Variants in CAPRIN2 observed in about 807,000 individuals in gnomAD.
The protein encoded by CAPRIN2 is caprin-2.
A neutral mutation model predicts 130.4 loss-of-function variants in CAPRIN2; 66 were observed. The ratio of observed to expected loss-of-function variants is 0.51; its 90% CI spans 0.42 to 0.62. The LOEUF (loss-of-function observed/expected upper bound fraction) is 0.62. Ranked by LOEUF, CAPRIN2 falls within the 20% of genes least tolerant of loss-of-function variation. CAPRIN2 has a pLI of 0.00. For missense variants in CAPRIN2, 1,185 were observed against 1,246.6 expected (o/e 0.95, Z 0.74); for synonymous variants, 471 against 444.1 (o/e 1.06, Z -0.76).
chr12:30,731,042 A>G (rs957234884), intron 6 of CAPRIN2, among the ~76,000 whole-genome samples: 5 of 152,218 alleles, frequency 3.3e-5, no homozygotes, highest in Non-Finnish European at 5.9e-5. Context: ...TTTTAAACAG[A>G]ATTATCCTAC....
At chr12:30,711,444 T>C (rs1370216326) in intron 16 of CAPRIN2, 122 bp downstream of exon 18, 11 of 774,754 alleles carry the variant, frequency 1.4e-5, no homozygotes, top group South Asian at 4.9e-5. Flanking sequence ...TTCAAGCAAA[T>C]TGAAAACCTC....
At chr12:30,728,789 G>C in exon 8 of CAPRIN2, 1 of 1,614,038 alleles carries the variant, frequency 6.2e-7, no homozygotes, top group Non-Finnish European at 8.5e-7. Flanking sequence ...TGTTTTCCCA[G>C]GATTTTGGAG....
intron 15 of CAPRIN2, among the ~76,000 whole-genome samples, chr12:30,712,812 G>C (rs1310635561): frequency 7.5e-6 from 1 of 132,778 alleles, no homozygotes; most frequent in African/African-American, 2.8e-5. Context: ...CGCTATCTCT[G>C]CTCACTGCAA....
chr12:30,744,247 C>T (rs2068818142), intron 2 of CAPRIN2, among the ~76,000 whole-genome samples: 1 of 152,214 alleles, frequency 6.6e-6, no homozygotes, highest in Non-Finnish European at 1.5e-5. Flanking sequence ...CTACAGGCAA[C>T]TCTTTTCTAA....
chr12:30,722,352 G>A (rs1246314091), intron 11 of CAPRIN2, among the ~76,000 whole-genome samples: 2 of 152,134 alleles, frequency 1.3e-5, no homozygotes, highest in African/African-American at 4.8e-5. Context: ...TGCTCCAACA[G>A]GTCTAAGATC....
intron 2 of CAPRIN2, among the ~76,000 whole-genome samples, chr12:30,747,187 T>G (rs1001243745): frequency 6.6e-6 from 1 of 152,176 alleles, no homozygotes; most frequent in Admixed American, 6.5e-5. Flanking sequence ...TACTGAATAT[T>G]TTAAGCCCAC....
chr12:30,723,321 G>A lies in CAPRIN2; in HGVS notation c.1988-7C>T. On this transcript the variant is annotated splice_polypyrimidine_tract_variant and splice_region_variant and intron_variant, in intron 10 of 16. Coordinates refer to ENST00000298892, the Ensembl canonical transcript of CAPRIN2. ...AGATTTTGTTCTTTAGATGCTGCAA[G>A]GAGTAAAATAAACAGTAACTACTGA... 1.2e-6 allele frequency: 2 copies of A among 1,606,006 alleles called. No homozygotes were observed. Among genetic ancestry groups the A allele is most frequent in the South Asian group, 1.1e-5 (1 of 90,846 alleles).
chr12:30,752,150 G>C (rs1042732216), intron 1 of CAPRIN2, among the ~76,000 whole-genome samples: 3 of 151,808 alleles, frequency 2.0e-5, no homozygotes, highest in African/African-American at 7.3e-5. Context: ...TCAAACTCCT[G>C]ACCTCAGGTG....
intron 15 of CAPRIN2, among the ~76,000 whole-genome samples, chr12:30,713,316 A>G (rs2055972271): frequency 6.8e-6 from 1 of 147,816 alleles, no homozygotes; most frequent in South Asian, 2.2e-4. Context: ...TCTTCAAGTA[A>G]GTATAAACAA....
chr12:30,721,983 A>G (rs1443521055), intron 11 of CAPRIN2, among the ~76,000 whole-genome samples: 1 of 152,228 alleles, frequency 6.6e-6, no homozygotes, highest in African/African-American at 2.4e-5. Context: ...CTCTGTCATT[A>G]AAGTAATGAG....
Position 30,710,166 on chromosome 12 carries a change from T to G in CAPRIN2, c.2970A>C (p.Pro990=), listed in dbSNP as rs1272219121. Residue 990 remains proline, a synonymous_variant, in exon 17 of 17, where the codon CCA becomes CCC. Coordinates refer to ENST00000298892, the Ensembl canonical transcript of CAPRIN2. The surrounding 1 kb of genome is among the most constrained non-coding windows in gnomAD (Gnocchi z 4.8). ...AAATGAAAACGTAAGTGCCATTCAC[T>G]GGGCAATTAAATCTACCAAGCTGAA... The G allele has an allele frequency of 1.2e-6, 2 of 1,614,030 alleles. No homozygotes were observed. Among genetic ancestry groups the G allele is most frequent in the Non-Finnish European group, 1.7e-6 (2 of 1,180,048 alleles).
In CAPRIN2 at chr12:30,728,516, C is replaced by G. The variant is rs1043643997; in HGVS notation, c.1782+132G>C. 3 of 711,088 alleles carry G rather than the reference C, an allele frequency of 4.2e-6. No homozygotes were observed. In the African/African-American group the frequency reaches 5.5e-5, roughly 13 times the overall value. 44.0% of individuals were successfully genotyped at this position (711,088 alleles called of 1,614,324 possible). A position where few individuals can be genotyped will look rare whatever the true frequency, so the allele number is the denominator to read the frequency against. On this transcript the variant is annotated intron_variant, in intron 8 of 16. Transcript: ENST00000298892. ...GTTACAGTGAGCAGAGATAGTGCCA[C>G]TGCACTCCAGCCTGGGTAACAGAGT... is the stretch of plus-strand genomic sequence containing the variant.
intron 3 of CAPRIN2, among the ~76,000 whole-genome samples, chr12:30,735,772 C>T (rs1292921320): frequency 1.3e-5 from 2 of 152,096 alleles, no homozygotes; most frequent in African/African-American, 4.8e-5. Context: ...TAATAATTTG[C>T]CCTGTCAGTC....
chr12:30,728,661 G>A (rs765250126), exon 8 of CAPRIN2: 2 of 1,607,138 alleles, frequency 1.2e-6, no homozygotes, highest in Non-Finnish European at 1.7e-6. Flanking sequence ...TTTGGGTTCT[G>A]TGTTCAACTT....
chr12:30,713,898 C>A lies in CAPRIN2; in HGVS notation c.2501-13G>T. 7.1e-7 allele frequency: 1 copy of A among 1,409,206 alleles called. No individual in the cohort carries two copies. Among genetic ancestry groups the A allele is most frequent in the Non-Finnish European group, 1.0e-6 (1 of 997,072 alleles). The allele number at this position is 1,409,206 out of a possible 1,614,324, so 87.3% of individuals were successfully genotyped here. On this transcript the variant is annotated splice_polypyrimidine_tract_variant and intron_variant, in intron 14 of 16. Coordinates refer to ENST00000298892, the Ensembl canonical transcript of CAPRIN2. ...TAAGTATCAAAACCTAATAAATAAA[C>A]AAACTTACATAAGATTATGGACAAA...
chr12:30,717,801 G>A (rs889005218), intron 12 of CAPRIN2, among the ~76,000 whole-genome samples: 3 of 152,090 alleles, frequency 2.0e-5, no homozygotes, highest in Admixed American at 6.6e-5. Flanking sequence ...GCAACGATCT[G>A]TCCTTCTATG....
At chr12:30,725,937 T>C (rs373113252) in intron 9 of CAPRIN2, 29 bp downstream of exon 10, 9 of 1,512,110 alleles carry the variant, frequency 6.0e-6, no homozygotes, top group Non-Finnish European at 8.0e-6. Flanking sequence ...CCCATGAATA[T>C]CATTTAAGAT....
chr12:30,717,563 T>A (rs1368038499), intron 12 of CAPRIN2, among the ~76,000 whole-genome samples: 1 of 151,832 alleles, frequency 6.6e-6, no homozygotes, highest in East Asian at 1.9e-4. Flanking sequence ...AAGATTAAAA[T>A]GGTAAATTCT....
intron 2 of CAPRIN2, among the ~76,000 whole-genome samples, chr12:30,742,824 C>T (rs1343141520): frequency 6.6e-6 from 1 of 152,002 alleles, no homozygotes; most frequent in Admixed American, 6.6e-5. Flanking sequence ...CTGGTGCTTG[C>T]TTTATTATGT....
Sources: allele counts gnomAD v4.1 joint callset (sites outside exome capture counted in the v4.1 genomes callset), GRCh38; gene constraint gnomAD v4.1.1; non-coding constraint Gnocchi (gnomAD v3.1); transcripts MANE v1.5; gene names NCBI Gene and HGNC (gene_info 2026-07-23, HGNC 2026-07-21).